Variants in TBX5 observed in about 807,000 individuals in gnomAD.
TBX5 encodes the protein T-box transcription factor 5, also known as T-box transcription factor TBX5.
TBX5 carries 8 observed loss-of-function variants against 51.1 expected under a neutral mutation model. The observed-to-expected ratio is 0.16, with a 90% CI of 0.09 to 0.28. The LOEUF (loss-of-function observed/expected upper bound fraction) is 0.28, where lower values mean the gene tolerates loss of function less well. TBX5 is among the 10% of genes least tolerant of loss of function. The pLI, the probability that TBX5 is intolerant of heterozygous loss-of-function variation, is 1.00. For missense variants in TBX5, 589 were observed against 671.7 expected (o/e 0.88, Z 1.36); for synonymous variants, 302 against 266.4 (o/e 1.13, Z -1.30).
rs772118315 is a variant in TBX5, at chr12:114,372,823, A to C, written c.756-6432T>G. 3.9e-4 allele frequency among the ~76,000 whole-genome samples: 59 copies of C among 152,174 alleles called. 1 individual carries two copies. The highest frequency in any genetic ancestry group is 2.4e-4 in the Non-Finnish European group (16 of 68,014). On this transcript the variant is annotated intron_variant, in intron 7 of 8. Transcript: ENST00000405440. ...AGGCCAGGTGAATGTGCCTTCCTTC[A>C]GTATCCAGGCACGAACTAGACCACT...
chr12:114,361,025 A>T (rs1869212689), intron 8 of TBX5, among the ~76,000 whole-genome samples: 1 of 152,160 alleles, frequency 6.6e-6, no homozygotes, highest in African/African-American at 2.4e-5. Flanking sequence ...AGCCTTTTCC[A>T]CCATGTCCTC....
chr12:114,391,622 A>G, intron 6 of TBX5, among the ~76,000 whole-genome samples: 1 of 152,204 alleles, frequency 6.6e-6, no homozygotes, highest in East Asian at 1.9e-4. Context: ...GCCCAAAGTC[A>G]GATAGGTTTG....
chr12:114,370,064 G>T (rs535585790), intron 7 of TBX5, among the ~76,000 whole-genome samples: 50 of 152,062 alleles, frequency 3.3e-4, no homozygotes, highest in African/African-American at 1.1e-3. Flanking sequence ...AGACCAGTCT[G>T]GTCAACATGA....
intron 8 of TBX5, among the ~76,000 whole-genome samples, chr12:114,356,988 TACG>T (rs1352480352): frequency 2.4e-4 from 29 of 120,924 alleles, no homozygotes; most frequent in South Asian, 2.9e-4. Context: ...TAAATATTTG[TACG>T]ATGGATGGAT....
intron 7 of TBX5, 137 bp from the exon 8 acceptor site, chr12:114,366,528 G>A: frequency 1.2e-6 from 1 of 820,354 alleles, no homozygotes; most frequent in Non-Finnish European, 2.0e-6. Flanking sequence ...TGAATAAAAT[G>A]ATCCAGTTAT....
At chr12:114,361,937 C>G (rs1869263251) in intron 8 of TBX5, among the ~76,000 whole-genome samples, 1 of 152,078 alleles carries the variant, frequency 6.6e-6, no homozygotes, top group Non-Finnish European at 1.5e-5. Flanking sequence ...AAGGATTTCT[C>G]CAGGGTGCAT....
chr12:114,394,122 C>T (rs987547946), intron 6 of TBX5, among the ~76,000 whole-genome samples: 2 of 152,140 alleles, frequency 1.3e-5, no homozygotes, highest in African/African-American at 4.8e-5. Flanking sequence ...GTCCTGGCAA[C>T]ATAGAGAGAC....
intron 6 of TBX5, among the ~76,000 whole-genome samples, chr12:114,392,347 C>G (rs547110972): frequency 6.6e-6 from 1 of 152,060 alleles, no homozygotes; most frequent in Admixed American, 6.6e-5. Flanking sequence ...CACAGGTATA[C>G]ATATATATAC....
chr12:114,355,217 A>C lies in TBX5; in HGVS notation c.*315T>G. The C allele has an allele frequency of 2.4e-5, 10 of 413,542 alleles. No individual in the cohort carries two copies. Among genetic ancestry groups the C allele is most frequent in the Middle Eastern group, 7.9e-4 (1 of 1,268 alleles). 25.6% of individuals were successfully genotyped at this position (413,542 alleles called of 1,614,324 possible). A position where few individuals can be genotyped will look rare whatever the true frequency, so the allele number is the denominator to read the frequency against. ...GACTTTCTAGAGCCCAAAAGAAGGA[A>C]TGGGGGAAGAGATCTGGGGAGTAGC... On this transcript the variant is annotated 3_prime_UTR_variant, in exon 9 of 9. Coordinates refer to ENST00000405440, the MANE Select transcript of TBX5 (RefSeq NM_181486.4).
chr12:114,383,084 A>G (rs1297835554), intron 7 of TBX5, among the ~76,000 whole-genome samples: 6 of 151,970 alleles, frequency 3.9e-5, no homozygotes, highest in Admixed American at 3.9e-4. Context: ...CTACTTTCAT[A>G]GCTGGCTGTC....
chr12:114,366,329 G>C lies in TBX5; in HGVS notation c.818C>G (p.Pro273Arg), dbSNP rs752879569. Residue 273 changes from proline (P) to arginine (R), a missense_variant, in exon 8 of 9, where the codon CCT becomes CGT. Physicochemically the swap from Pro to Arg is moderately radical, Grantham distance 103. Transcript: ENST00000405440. ...VRQKVASNHS[P>R]FSSESRALST... is the part of the protein sequence containing the mutation. ...GAGAGCTCGAGACTCGCTGCTGAAAGGACTGTGGTTGGAGGCCACTTTTTG... is the reference window on the plus strand; with the variant it reads ...GAGAGCTCGAGACTCGCTGCTGAAACGACTGTGGTTGGAGGCCACTTTTTG... 2.5e-6 allele frequency: 4 copies of C among 1,614,092 alleles called. No individual in the cohort carries two copies. The highest frequency in any genetic ancestry group is 3.4e-6 in the Non-Finnish European group (4 of 1,180,014).
upstream of TBX5, among the ~76,000 whole-genome samples, chr12:114,407,534 A>G (rs998153604): frequency 3.9e-5 from 6 of 152,192 alleles, no homozygotes; most frequent in Non-Finnish European, 7.3e-5. Flanking sequence ...GCCCCTCCAG[A>G]GAGGAAAAAT....
At position 114,366,277 on chromosome 12, in the gene TBX5, T is replaced by C. The variant is rs1178778834; in HGVS notation, c.870A>G (p.Gln290=). ...CGGAAACACCATTCTCACACTGGTA[T>C]TGGGACCCCAAATTGGATGAGGTGG... The part of the protein sequence containing the change: ...ALSTSSNLGS[Q]YQCENGVSGP... Residue 290 remains glutamine (Q), a synonymous_variant, in exon 8 of 9, where the codon CAA becomes CAG. Transcript: ENST00000405440. The C allele has an allele frequency of 3.1e-6, 5 of 1,614,068 alleles. No homozygotes were observed. The highest frequency in any genetic ancestry group is 3.4e-6 in the Non-Finnish European group (4 of 1,180,008).
chr12:114,383,969 G>A (rs1870654453), intron 7 of TBX5, among the ~76,000 whole-genome samples: 1 of 152,166 alleles, frequency 6.6e-6, no homozygotes, highest in Non-Finnish European at 1.5e-5. Flanking sequence ...ATCAGAATGG[G>A]ATAGGAACAG....
At chr12:114,396,115 A>G (rs56267344) in intron 5 of TBX5, among the ~76,000 whole-genome samples, 14,879 of 151,878 alleles carry the variant, frequency 0.098, 970 homozygotes, top group Non-Finnish European at 0.14. Flanking sequence ...TCCGGCCCCG[A>G]TCGAGTGGAG....
chr12:114,378,911 C>A (rs1248241746), intron 7 of TBX5, among the ~76,000 whole-genome samples: 1 of 152,272 alleles, frequency 6.6e-6, no homozygotes. Flanking sequence ...CAAAAGAATG[C>A]AGCAGAAGTG....
intron 6 of TBX5, 121 bp downstream of exon 6, chr12:114,394,620 G>GGGTC (rs1871322319): frequency 5.2e-6 from 7 of 1,343,200 alleles, no homozygotes; most frequent in Non-Finnish European, 7.4e-6. Flanking sequence ...CAGCACCCTG[G>GGGTC]GGTCGAAGTT....
chr12:114,388,579 G>A (rs904930033), intron 6 of TBX5, among the ~76,000 whole-genome samples: 2 of 152,092 alleles, frequency 1.3e-5, no homozygotes, highest in African/African-American at 4.8e-5. Flanking sequence ...CCAAGCTGGA[G>A]TGATCCTCCC....
At chr12:114,366,117 G>GGAAAA (rs1166669929) in intron 8 of TBX5, 48 bp downstream of exon 8, 12 of 1,596,542 alleles carry the variant, frequency 7.5e-6, no homozygotes, top group Non-Finnish European at 1.0e-5. Context: ...CCCAAGGAAA[G>GGAAAA]GAAAAGGTAA....
Sources: gnomAD v4.1 joint callset for allele counts (sites outside exome capture counted in the v4.1 genomes callset) on GRCh38, gnomAD v4.1.1 for gene constraint, MANE v1.5 for transcripts, NCBI Gene and HGNC (gene_info 2026-07-23, HGNC 2026-07-21) for gene names.